The following PITPNM2 variants were observed in gnomAD, a reference collection of about 807,000 sequenced individuals.
The protein encoded by PITPNM2 is membrane-associated phosphatidylinositol transfer protein 2.
A neutral mutation model predicts 132.2 loss-of-function variants in PITPNM2; 35 were observed. That is an observed-to-expected ratio of 0.26 (90% CI 0.20 to 0.35). The LOEUF is 0.35. Ranked by LOEUF, PITPNM2 falls within the 10% of genes least tolerant of loss-of-function variation. The pLI, the probability that PITPNM2 is intolerant of heterozygous loss-of-function variation, is 1.00. For missense variants in PITPNM2, 1,332 were observed against 1,912.0 expected, an observed-to-expected ratio of 0.70 and a Z score of 5.66; for synonymous variants, 738 against 799.2, an observed-to-expected ratio of 0.92 and a Z score of 1.29.
intron 2 of PITPNM2, among the ~76,000 whole-genome samples, chr12:123,055,947 G>A (rs374256756): frequency 6.6e-6 from 1 of 152,122 alleles, no homozygotes; most frequent in Non-Finnish European, 1.5e-5. Flanking sequence ...ACGACGAAAA[G>A]AAATAGAGTG....
chr12:123,000,822 C>G lies in PITPNM2; in HGVS notation c.1180G>C (p.Glu394Gln), dbSNP rs2038628998. Residue 394 changes from glutamate to glutamine, a missense_variant, in exon 10 of 26, where the codon GAG becomes CAG. By Grantham distance (29) the Glu-to-Gln change is conservative. This residue lies in a region of PITPNM2 where 710 missense variants were observed against 911.5 expected (regional missense o/e 0.78). Transcript: ENST00000320201. This position sits in a 1 kb window ranked among gnomAD's most constrained non-coding sequence, Gnocchi z 5.4. Reference protein sequence around the residue: ...QDGLYRQGAPEFRVASSVEQL... With the variant: ...QDGLYRQGAPQFRVASSVEQL... ...TCCACACTGGAGGCCACCCTGAACT[C>G]AGGGGCACCCTGGCGGTACAGACCA... 7.4e-6 allele frequency: 12 copies of G among 1,614,108 alleles called. No homozygotes were observed. The highest frequency in any genetic ancestry group is 1.0e-5 in the Non-Finnish European group (12 of 1,180,042).
intron 3 of PITPNM2, chr12:123,021,673 G>C (rs1259847942): frequency 1.0e-6 from 1 of 985,214 alleles, no homozygotes; most frequent in Non-Finnish European, 1.2e-6. Context: ...GTGGGGCATG[G>C]AGTTTACCTT....
In PITPNM2 at chr12:122,997,347, C is replaced by T; in HGVS notation, c.1450G>A (p.Asp484Asn). ...CACTTGGAGACCAGGGCAAAGGCGT[C>T]AGAGCAGACGGGCGGGCAGGGCACC... ...RLVPCPPVCS[D>N]AFALVSNLSP... Residue 484 changes from aspartate (D) to asparagine (N), a missense_variant, in exon 11 of 26, where the codon GAC becomes AAC. By Grantham distance (23) the Asp-to-Asn change is conservative. This residue lies in a region of PITPNM2 where 710 missense variants were observed against 911.5 expected (regional missense o/e 0.78). Coordinates refer to ENST00000320201, the MANE Select transcript of PITPNM2 (RefSeq NM_020845.3). The T allele has an allele frequency of 6.2e-7, 1 of 1,613,228 alleles. No individual in the cohort carries two copies. Among genetic ancestry groups the T allele is most frequent in the Non-Finnish European group, 8.5e-7 (1 of 1,179,942 alleles).
intron 3 of PITPNM2, among the ~76,000 whole-genome samples, chr12:123,028,667 C>G (rs2039955561): frequency 6.6e-6 from 1 of 152,210 alleles, no homozygotes; most frequent in Non-Finnish European, 1.5e-5. Context: ...ATACAATAAG[C>G]TGTACACATG....
At chr12:123,151,211 C>G (rs1024385024), upstream of PITPNM2, among the ~76,000 whole-genome samples, 1 of 149,306 alleles carries the variant, frequency 6.7e-6, no homozygotes, top group Admixed American at 6.6e-5. Context: ...GGCCCGGCCC[C>G]GCCGCCTCCG....
Position 123,036,411 on chromosome 12 carries a change from T to C in PITPNM2, c.-95-1726A>G, listed in dbSNP as rs574317333. Among the ~76,000 whole-genome samples the C allele has an allele frequency of 2.6e-5, 4 of 152,214 alleles. No individual in the cohort carries two copies. The highest frequency in any genetic ancestry group is 9.6e-5 in the African/African-American group (4 of 41,510). Reference sequence around the variant, plus strand: ...GTAGGAACGTCAGCCCGAAGCCCATTCAAATTCTCACATCCATCCTGGCAT... The same window carrying C: ...GTAGGAACGTCAGCCCGAAGCCCATCCAAATTCTCACATCCATCCTGGCAT... On this transcript the variant is annotated intron_variant, in intron 2 of 25. Coordinates refer to ENST00000320201, the MANE Select transcript of PITPNM2 (RefSeq NM_020845.3). The surrounding 1 kb of genome is among the most constrained non-coding windows in gnomAD (Gnocchi z 4.1).
Position 122,995,537 on chromosome 12 carries a change from C to T in PITPNM2, c.1906G>A (p.Glu636Lys), listed in dbSNP as rs1445337644. 1.9e-6 allele frequency: 3 copies of T among 1,611,460 alleles called. No homozygotes were observed. The highest frequency in any genetic ancestry group is 2.5e-6 in the Non-Finnish European group (3 of 1,179,974). Residue 636 changes from glutamate to lysine, a missense_variant, in exon 14 of 26, where the codon GAG becomes AAG. Around this residue, in one of 6 missense-constraint regions of PITPNM2, gnomAD observed 710 missense variants for 911.5 expected, o/e 0.78. Transcript: ENST00000320201. The part of the protein sequence containing the change: ...GGGSSGGSSL[E>K]SSRHLSRSNV... ...CTTCGGCTCAGGTGCCGACTGCTCT[C>T]CAGGCTGGAGCCACCACTACTGCCA...
intron 3 of PITPNM2, among the ~76,000 whole-genome samples, chr12:123,025,725 C>T (rs2039842705): frequency 6.6e-6 from 1 of 152,218 alleles, no homozygotes; most frequent in South Asian, 2.1e-4. Flanking sequence ...AGCCACCGCA[C>T]TCGGCCTATG....
In PITPNM2 at chr12:123,004,699, G is replaced by A; in HGVS notation, c.953-210C>T. Reference sequence around the variant, plus strand: ...TCTCCTGTCCGCCTGGCACAAGGCAGTCATGTCCCGGGGAGCATGGGTGGG... The same window carrying A: ...TCTCCTGTCCGCCTGGCACAAGGCAATCATGTCCCGGGGAGCATGGGTGGG... On this transcript the variant is annotated intron_variant, in intron 7 of 25. Coordinates refer to ENST00000320201, the MANE Select transcript of PITPNM2 (RefSeq NM_020845.3). The surrounding 1 kb of genome is among the most constrained non-coding windows in gnomAD (Gnocchi z 4.9). The A allele has an allele frequency of 1.6e-6, 1 of 614,914 alleles. No homozygotes were observed. The highest frequency in any genetic ancestry group is 2.9e-6 in the Non-Finnish European group (1 of 340,860). The allele number at this position is 614,914 out of a possible 1,614,324, so 38.1% of individuals were successfully genotyped here. A position where few individuals can be genotyped will look rare whatever the true frequency, so the allele number is the denominator to read the frequency against.
intron 1 of PITPNM2, among the ~76,000 whole-genome samples, chr12:123,140,744 G>A (rs796523482): frequency 6.6e-6 from 1 of 151,960 alleles, no homozygotes; most frequent in Non-Finnish European, 1.5e-5. Flanking sequence ...CCCCACTCCT[G>A]CTCTCTAACC....
At chr12:123,128,443 G>GA (rs2043193261) in intron 1 of PITPNM2, among the ~76,000 whole-genome samples, 1 of 87,840 alleles carries the variant, frequency 1.1e-5, no homozygotes, top group Admixed American at 1.2e-4. Context: ...CCCGTCTCAA[G>GA]TTAAAAAAAA....
chr12:123,034,470 G>C, intron 3 of PITPNM2, 43 bp downstream of exon 3: 1 of 1,574,808 alleles, frequency 6.3e-7, no homozygotes, highest in Non-Finnish European at 8.7e-7. Context: ...GCGCTGGCGC[G>C]ACCCACCCTC....
chr12:122,995,347 C>G (rs1399979888), intron 14 of PITPNM2, 42 bp downstream of exon 14: 1 of 1,545,598 alleles, frequency 6.5e-7, no homozygotes, highest in Non-Finnish European at 8.7e-7. Context: ...GGAGCCTCTT[C>G]CCACACCCAG....
At chr12:122,987,167 C>G in intron 23 of PITPNM2, 114 bp downstream of exon 23, 2 of 1,462,194 alleles carry the variant, frequency 1.4e-6, no homozygotes, top group Non-Finnish European at 1.9e-6. Flanking sequence ...AGGCCCAGTG[C>G]CCGAGCCAGG....
At chr12:122,999,065 C>T (rs1227778864) in intron 10 of PITPNM2, among the ~76,000 whole-genome samples, 1 of 150,926 alleles carries the variant, frequency 6.6e-6, no homozygotes, top group Non-Finnish European at 1.5e-5. Context: ...GAGCCAAGAT[C>T]GTGCCACTGC....
intron 1 of PITPNM2, among the ~76,000 whole-genome samples, chr12:123,115,281 T>A (rs1215356138): frequency 1.3e-5 from 2 of 152,176 alleles, no homozygotes; most frequent in African/African-American, 4.8e-5. Context: ...GAGCTTCTCT[T>A]TCAGAAGCCC....
chr12:123,073,590 C>T (rs1020999857), intron 2 of PITPNM2, among the ~76,000 whole-genome samples: 24 of 152,226 alleles, frequency 1.6e-4, no homozygotes, highest in Admixed American at 6.5e-5. Flanking sequence ...CCCTGAGCCA[C>T]CAATGCTGAA....
intron 3 of PITPNM2, among the ~76,000 whole-genome samples, chr12:123,025,381 G>A (rs1241508124): frequency 2.0e-5 from 3 of 152,018 alleles, no homozygotes; most frequent in Non-Finnish European, 2.9e-5. Context: ...GGTCAGGGCA[G>A]GCATGTGTCA....
intron 2 of PITPNM2, among the ~76,000 whole-genome samples, chr12:123,049,327 TCTGTTGC>T (rs1287510656): frequency 6.6e-6 from 1 of 152,158 alleles, no homozygotes; most frequent in Admixed American, 6.5e-5. Context: ...CCCGATCCTG[TCTGTTGC>T]CCGCAGAACT....
Sources: gnomAD v4.1 joint callset for allele counts (sites outside exome capture counted in the v4.1 genomes callset) on GRCh38, gnomAD v4.1.1 for gene constraint, gnomAD v4.1.1 regional missense constraint, Gnocchi (gnomAD v3.1) non-coding constraint, MANE v1.5 for transcripts, NCBI Gene and HGNC (gene_info 2026-07-23, HGNC 2026-07-21) for gene names.